The following GPHN variants were observed in gnomAD, a reference collection of about 807,000 sequenced individuals.
GPHN encodes the protein gephyrin.
GPHN carries 17 observed loss-of-function variants against 95.5 expected under a neutral mutation model. The observed-to-expected ratio is 0.18, with a 90% CI of 0.12 to 0.27. The LOEUF is 0.27. Ranked by LOEUF, GPHN falls within the 10% of genes least tolerant of loss-of-function variation. The probability of loss-of-function intolerance (pLI) is 1.00; values close to 1 mark genes in which losing one functional copy is unlikely to be tolerated. For missense variants in GPHN, 660 were observed against 978.1 expected, an observed-to-expected ratio of 0.67 and a Z score of 4.34; for synonymous variants, 320 against 322.5, an observed-to-expected ratio of 0.99 and a Z score of 0.08.
At chr14:66,641,559 A>C (rs1234876503) in intron 1 of GPHN, among the ~76,000 whole-genome samples, 1 of 152,100 alleles carries the variant, frequency 6.6e-6, no homozygotes, top group Non-Finnish European at 1.5e-5. Context: ...AATTGATAGA[A>C]GCAAAAGAAC....
chr14:67,557,602 A>T, the GPHN span, among the ~76,000 whole-genome samples: 1 of 152,250 alleles, frequency 6.6e-6, no homozygotes, highest in Non-Finnish European at 1.5e-5. Flanking sequence ...GCTCATTAGA[A>T]GCCAGGCAGG....
chr14:67,173,670 G>A (rs72717328), intron 21 of GPHN, among the ~76,000 whole-genome samples: 10,051 of 152,124 alleles, frequency 0.066, 351 homozygotes, highest in Middle Eastern at 0.085. Context: ...ATATAACACC[G>A]CCAAAGGAAC....
chr14:66,929,043 G>A (rs2066637401), intron 8 of GPHN, among the ~76,000 whole-genome samples: 1 of 145,034 alleles, frequency 6.9e-6, no homozygotes, highest in Non-Finnish European at 1.5e-5. Flanking sequence ...TAGAGATTAA[G>A]TCCAATGTTT....
chr14:67,385,726 A>G, the GPHN span: 1 of 150,304 alleles, frequency 6.7e-6, no homozygotes, highest in South Asian at 2.1e-4. Flanking sequence ...CCTGGGCTCA[A>G]GCTATCCTCC....
chr14:67,320,931 G>A, the GPHN span: 2 of 761,178 alleles, frequency 2.6e-6, no homozygotes, highest in African/African-American at 3.5e-5. Context: ...TAGGCACTTA[G>A]CATTTTCTCA....
At chr14:67,670,818 G>A in the GPHN span, among the ~76,000 whole-genome samples, 1,777 of 152,256 alleles carry the variant, frequency 0.012, 33 homozygotes, top group African/African-American at 0.041. Flanking sequence ...GAGCCACCGT[G>A]CCCGGCCGTT....
At chr14:67,708,308 C>T in the GPHN span, among the ~76,000 whole-genome samples, 5,596 of 152,212 alleles carry the variant, frequency 0.037, 300 homozygotes, top group African/African-American at 0.12. Flanking sequence ...GCAGTTAATC[C>T]TGTTCTGCTT....
intron 2 of GPHN, among the ~76,000 whole-genome samples, chr14:66,740,676 G>A (rs2072727026): frequency 1.3e-5 from 2 of 152,098 alleles, no homozygotes; most frequent in Admixed American, 6.6e-5. Context: ...TAAAATGACT[G>A]ATATTTGGCT....
At chr14:67,605,653 A>G in the GPHN span, among the ~76,000 whole-genome samples, 2 of 152,118 alleles carry the variant, frequency 1.3e-5, no homozygotes, top group Admixed American at 6.6e-5. Context: ...TGTCATATAA[A>G]ATTTATATTA....
At chr14:66,994,483 G>A (rs890870039) in intron 9 of GPHN, among the ~76,000 whole-genome samples, 1 of 152,114 alleles carries the variant, frequency 6.6e-6, no homozygotes, top group Admixed American at 6.6e-5. Flanking sequence ...GAATGGAAGT[G>A]ACCCATTTCT....
At chr14:66,688,918 G>T (rs1310727098) in intron 2 of GPHN, among the ~76,000 whole-genome samples, 1 of 151,334 alleles carries the variant, frequency 6.6e-6, no homozygotes, top group Admixed American at 6.6e-5. Context: ...CTGTCGGGGG[G>T]TGGGGGGCTG....
At chr14:67,360,626 G>T in the GPHN span, 1 of 165,168 alleles carries the variant, frequency 6.1e-6, no homozygotes, top group Non-Finnish European at 1.3e-5. Context: ...CCTCCTCGCC[G>T]GCTCCGTGTA....
the GPHN span, among the ~76,000 whole-genome samples, chr14:67,373,663 A>G: frequency 2.6e-5 from 4 of 152,192 alleles, no homozygotes; most frequent in Non-Finnish European, 5.9e-5. Context: ...TTGACAAGTT[A>G]CTTAACCTTT....
At chr14:66,553,667 C>T (rs944030998) in intron 1 of GPHN, among the ~76,000 whole-genome samples, 1 of 152,200 alleles carries the variant, frequency 6.6e-6, no homozygotes, top group East Asian at 1.9e-4. Context: ...ACTTCTGCCT[C>T]CCGGGTTCAA....
At chr14:67,204,467 A>G in the GPHN span, 2 of 1,463,778 alleles carry the variant, frequency 1.4e-6, no homozygotes, top group East Asian at 2.5e-5. Context: ...ATATATATAT[A>G]TATAAGAAAG....
chr14:67,343,898 G>A, the GPHN span, among the ~76,000 whole-genome samples: 1 of 152,116 alleles, frequency 6.6e-6, no homozygotes, highest in Non-Finnish European at 1.5e-5. Context: ...GATTTCCATA[G>A]GGCTAACACT....
intron 3 of GPHN, among the ~76,000 whole-genome samples, chr14:66,816,897 AAACTTAC>A (rs2060992591): frequency 6.6e-6 from 1 of 152,150 alleles, no homozygotes; most frequent in Admixed American, 6.5e-5. Context: ...TGACTTATGT[AAACTTAC>A]TCTCTCTTAG....
the GPHN span, chr14:67,642,421 A>T: frequency 6.4e-7 from 1 of 1,564,858 alleles, no homozygotes; most frequent in South Asian, 1.1e-5. Flanking sequence ...GGGGCTCATA[A>T]CTTAGCTTCT....
chr14:67,366,883 A>C, the GPHN span, among the ~76,000 whole-genome samples: 4 of 152,192 alleles, frequency 2.6e-5, no homozygotes, highest in African/African-American at 9.7e-5. Context: ...ACCTAAGTAC[A>C]TGCTGAAGAC....
Sources: allele counts gnomAD v4.1 joint callset (sites outside exome capture counted in the v4.1 genomes callset), GRCh38; gene constraint gnomAD v4.1.1; transcripts MANE v1.5; gene names NCBI Gene and HGNC (gene_info 2026-07-23, HGNC 2026-07-21).